The following KCNK13 variants were observed in gnomAD, a reference collection of about 807,000 sequenced individuals.
KCNK13 encodes potassium two pore domain channel subfamily K member 13, also known as potassium channel subfamily K member 13.
Under a neutral mutation model 23.4 loss-of-function variants are expected in KCNK13, and 12 were observed. The observed-to-expected ratio is 0.51, with a 90% CI of 0.33 to 0.83. KCNK13 has a LOEUF of 0.83. Among genes scored for constraint, KCNK13 ranks in the 40% least tolerant of loss-of-function variants. The pLI is 0.02. For synonymous variants in KCNK13, 231 were observed against 229.5 expected, an observed-to-expected ratio of 1.01 and a Z score of -0.06; for missense variants, 463 against 556.3, an observed-to-expected ratio of 0.83 and a Z score of 1.69.
chr14:90,071,027 A>G (rs1431382478), intron 1 of KCNK13, among the ~76,000 whole-genome samples: 1 of 152,128 alleles, frequency 6.6e-6, no homozygotes, highest in Non-Finnish European at 1.5e-5. Flanking sequence ...CACAGCCCTC[A>G]CTCTCCATTG....
chr14:90,137,057 A>G (rs930895744), intron 1 of KCNK13, among the ~76,000 whole-genome samples: 34 of 152,162 alleles, frequency 2.2e-4, no homozygotes, highest in African/African-American at 7.7e-4. Flanking sequence ...GCAGTTCACC[A>G]AGTCCTTCTG....
chr14:90,114,017 T>C (rs888133735), intron 1 of KCNK13, among the ~76,000 whole-genome samples: 2 of 152,136 alleles, frequency 1.3e-5, no homozygotes, highest in Non-Finnish European at 2.9e-5. Flanking sequence ...CTTTGCAACT[T>C]TTCTCTAAGT....
At chr14:90,076,258 T>C (rs1227810165) in intron 1 of KCNK13, among the ~76,000 whole-genome samples, 1 of 152,256 alleles carries the variant, frequency 6.6e-6, no homozygotes, top group Non-Finnish European at 1.5e-5. Context: ...TTTTCTCATA[T>C]AGCAAGAAGT....
intron 1 of KCNK13, among the ~76,000 whole-genome samples, chr14:90,138,234 C>A (rs941877328): frequency 6.6e-6 from 1 of 152,002 alleles, no homozygotes; most frequent in African/African-American, 2.4e-5. Context: ...GTAAACAATT[C>A]AGAAATATAT....
At chr14:90,091,790 G>A (rs997985141) in intron 1 of KCNK13, among the ~76,000 whole-genome samples, 2 of 151,964 alleles carry the variant, frequency 1.3e-5, no homozygotes, top group African/African-American at 4.8e-5. Context: ...TACCAGTGCT[G>A]GCAGGGGAGA....
At chr14:90,090,640 T>G (rs1475102972) in intron 1 of KCNK13, among the ~76,000 whole-genome samples, 3 of 152,212 alleles carry the variant, frequency 2.0e-5, no homozygotes, top group Non-Finnish European at 4.4e-5. Context: ...TGATATGGTT[T>G]GGCTGTGTCC....
chr14:90,147,700 T>G (rs967141281), intron 1 of KCNK13, among the ~76,000 whole-genome samples: 1 of 152,174 alleles, frequency 6.6e-6, no homozygotes, highest in African/African-American at 2.4e-5. Context: ...TATCCTAGTA[T>G]TTTTAGAGGT....
chr14:90,173,069 G>C (rs935249286), intron 1 of KCNK13, among the ~76,000 whole-genome samples: 3 of 152,164 alleles, frequency 2.0e-5, no homozygotes, highest in Admixed American at 1.3e-4. Flanking sequence ...TAAGTGAGCA[G>C]GTGCTAAAGA....
At position 90,185,009 on chromosome 14, in the gene KCNK13, AG is replaced by A. The variant is rs777454172; in HGVS notation, c.*8del. On this transcript the variant is annotated 3_prime_UTR_variant, in exon 2 of 2. Coordinates refer to ENST00000282146, the MANE Select transcript of KCNK13 (RefSeq NM_022054.4). The stretch of plus-strand genomic sequence containing the variant: ...AGACCAGTGGGGACAGGTAGAAGCC[AG>A]GAGTGGATGCTGGGCAGAGGCCAGA... The A allele has an allele frequency of 1.9e-6, 3 of 1,571,144 alleles. No individual in the cohort carries two copies. The highest frequency in any genetic ancestry group is 4.5e-5 in the East Asian group (2 of 44,382).
chr14:90,109,509 C>T (rs964606358), intron 1 of KCNK13, among the ~76,000 whole-genome samples: 4 of 146,734 alleles, frequency 2.7e-5, no homozygotes, highest in Admixed American at 6.9e-5. Context: ...CCCAGGTTCA[C>T]GCCATTCTCC....
intron 1 of KCNK13, among the ~76,000 whole-genome samples, chr14:90,127,383 C>T (rs1472566154): frequency 6.6e-6 from 1 of 151,422 alleles, no homozygotes; most frequent in Non-Finnish European, 1.5e-5. Context: ...AGCCGGCCCC[C>T]AGAGCAGTCC....
At position 90,141,794 on chromosome 14, in the gene KCNK13, T is replaced by TGGGG. The variant is rs60262959; in HGVS notation, c.335-42310_335-42307dup. Among the ~76,000 whole-genome samples the TGGGG allele has an allele frequency of 4.7e-3, 590 of 125,370 alleles. 10 individuals are homozygous for TGGGG. Among genetic ancestry groups the TGGGG allele is most frequent in the East Asian group, 0.012 (42 of 3,442 alleles). 82.2% of individuals were successfully genotyped at this position (125,370 alleles called of 152,430 possible). ...TGGGTTTTTGTTTTGTTTTGTTTTT[T>TGGGG]GGGGGGGGGGACGGAGCCTTGCTCT... is the stretch of plus-strand genomic sequence containing the variant. On this transcript the variant is annotated intron_variant, in intron 1 of 1. Transcript: ENST00000282146.
At chr14:90,095,690 AGGGTAT>A (rs1859388481) in intron 1 of KCNK13, among the ~76,000 whole-genome samples, 1 of 152,096 alleles carries the variant, frequency 6.6e-6, no homozygotes, top group African/African-American at 2.4e-5. Context: ...CAGAAGTGTG[AGGGTAT>A]TATCCTATAT....
intron 1 of KCNK13, among the ~76,000 whole-genome samples, chr14:90,065,741 G>T (rs553370814): frequency 1.9e-4 from 29 of 152,244 alleles, no homozygotes; most frequent in Non-Finnish European, 3.8e-4. Flanking sequence ...TTTCTTTCAT[G>T]GACAGCCCAA....
chr14:90,161,977 G>A (rs1394492490), intron 1 of KCNK13, among the ~76,000 whole-genome samples: 2 of 152,100 alleles, frequency 1.3e-5, no homozygotes, highest in African/African-American at 4.8e-5. Context: ...CCAGGAGTTT[G>A]AGACCAGCCT....
intron 1 of KCNK13, among the ~76,000 whole-genome samples, chr14:90,128,238 T>G (rs1295935298): frequency 6.6e-6 from 1 of 152,210 alleles, no homozygotes; most frequent in African/African-American, 2.4e-5. Context: ...ATGTATTCTT[T>G]CATTCCGGGA....
In KCNK13 at chr14:90,184,555, C is replaced by G. The variant is rs1566654685; in HGVS notation, c.779C>G (p.Ala260Gly). Reference protein sequence around the residue: ...HYESQGLYRFANFVFILMGVC... With the variant: ...HYESQGLYRFGNFVFILMGVC... Reference sequence around the variant, plus strand: ...GAGAGCCAAGGCCTCTATCGCTTTGCCAACTTCGTCTTCATCCTCATGGGT... The same window carrying G: ...GAGAGCCAAGGCCTCTATCGCTTTGGCAACTTCGTCTTCATCCTCATGGGT... The change falls in exon 2 of 2, where the codon GCC becomes GGC. Residue 260 changes from alanine (A) to glycine (G), a missense_variant. Physicochemically the swap from Ala to Gly is moderately conservative, Grantham distance 60. Coordinates refer to ENST00000282146, the MANE Select transcript of KCNK13 (RefSeq NM_022054.4). This position sits in a 1 kb window ranked among gnomAD's most constrained non-coding sequence, Gnocchi z 5.6. The G allele has an allele frequency of 6.2e-7, 1 of 1,614,262 alleles. No individual in the cohort carries two copies. The highest frequency in any genetic ancestry group is 8.5e-7 in the Non-Finnish European group (1 of 1,180,050).
chr14:90,150,267 C>T (rs569374559), intron 1 of KCNK13, among the ~76,000 whole-genome samples: 1 of 152,128 alleles, frequency 6.6e-6, no homozygotes, highest in South Asian at 2.1e-4. Context: ...GGTTTTGAAC[C>T]TGGGAAGTCT....
intron 1 of KCNK13, among the ~76,000 whole-genome samples, chr14:90,114,527 G>A (rs1403948484): frequency 2.0e-5 from 3 of 152,168 alleles, no homozygotes; most frequent in East Asian, 1.9e-4. Context: ...AAATTCCTTC[G>A]TTCCTGGGAA....
Sources: allele counts gnomAD v4.1 joint callset (sites outside exome capture counted in the v4.1 genomes callset), GRCh38; gene constraint gnomAD v4.1.1; non-coding constraint Gnocchi (gnomAD v3.1); transcripts MANE v1.5; gene names NCBI Gene and HGNC (gene_info 2026-07-23, HGNC 2026-07-21).